ZNF407: variants seen among roughly 807,000 people sequenced by gnomAD.
ZNF407 encodes zinc finger protein 407.
Under a neutral mutation model 131.2 loss-of-function variants are expected in ZNF407, and 17 were observed. That is an observed-to-expected ratio of 0.13 (90% CI 0.09 to 0.19). The LOEUF (loss-of-function observed/expected upper bound fraction) is 0.19. Ranked by LOEUF, ZNF407 falls within the 10% of genes least tolerant of loss-of-function variation. ZNF407 has a pLI of 1.00. For synonymous variants in ZNF407, 1,156 were observed against 1,062.0 expected, an observed-to-expected ratio of 1.09 and a Z score of -1.72; for missense variants, 2,681 against 2,830.6, an observed-to-expected ratio of 0.95 and a Z score of 1.20.
At chr18:75,011,954 A>G (rs1002689077) in intron 8 of ZNF407, among the ~76,000 whole-genome samples, 1 of 152,246 alleles carries the variant, frequency 6.6e-6, no homozygotes, top group East Asian at 1.9e-4. Flanking sequence ...AGTCATTGAG[A>G]ATAGGAGAAT....
intron 4 of ZNF407, among the ~76,000 whole-genome samples, chr18:74,869,176 C>A (rs1232531013): frequency 6.6e-6 from 1 of 152,080 alleles, no homozygotes; most frequent in African/African-American, 2.4e-5. Context: ...AAGAAATTCC[C>A]TTTATTTGTT....
At chr18:74,953,856 G>T (rs916654552) in intron 8 of ZNF407, among the ~76,000 whole-genome samples, 1 of 152,180 alleles carries the variant, frequency 6.6e-6, no homozygotes, top group East Asian at 1.9e-4. Flanking sequence ...CAGGAATCTG[G>T]TCCATTAGGG....
chr18:74,908,784 T>A (rs73971193), intron 7 of ZNF407, among the ~76,000 whole-genome samples: 3,824 of 152,254 alleles, frequency 0.025, 165 homozygotes, highest in African/African-American at 0.086. Flanking sequence ...CGAGTTTATA[T>A]ATTGGAGCAC....
At chr18:74,849,091 T>C (rs1476413540) in intron 4 of ZNF407, among the ~76,000 whole-genome samples, 5 of 148,902 alleles carry the variant, frequency 3.4e-5, no homozygotes, top group Non-Finnish European at 7.4e-5. Flanking sequence ...GTTGCTGTTG[T>C]TGTTGAGACG....
At chr18:74,644,246 A>G (rs559344545) in intron 3 of ZNF407, among the ~76,000 whole-genome samples, 240 of 144,842 alleles carry the variant, frequency 1.7e-3, no homozygotes, top group Non-Finnish European at 1.6e-3. Context: ...TGATCGAGAG[A>G]GGAATTTTAT....
At chr18:74,802,895 A>G (rs890399375) in intron 4 of ZNF407, among the ~76,000 whole-genome samples, 1 of 152,136 alleles carries the variant, frequency 6.6e-6, no homozygotes, top group Non-Finnish European at 1.5e-5. Context: ...CAATCAACCA[A>G]CCAATAGTAG....
chr18:74,681,912 G>A (rs539900088), intron 3 of ZNF407, among the ~76,000 whole-genome samples: 2 of 152,206 alleles, frequency 1.3e-5, no homozygotes, highest in South Asian at 2.1e-4. Flanking sequence ...ATTCAAAAGG[G>A]AGTATGTTGA....
chr18:74,854,426 G>C (rs566341802), intron 4 of ZNF407, among the ~76,000 whole-genome samples: 1 of 152,130 alleles, frequency 6.6e-6, no homozygotes, highest in African/African-American at 2.4e-5. Context: ...TACTTTTGCT[G>C]TAACAAGTAG....
rs768405445 is a variant in ZNF407 at position 74,633,753 on chromosome 18, A to T, written c.2734A>T (p.Ser912Cys). The change falls in exon 2 of 9, where the codon AGT becomes TGT. Residue 912 changes from serine to cysteine, a missense_variant. Around this residue, in one of 6 missense-constraint regions of ZNF407, gnomAD observed 1,789 missense variants for 1,748.7 expected, o/e 1.02. Transcript: ENST00000299687. ...TAAAGGACGGGTAGAAATAGAAGCAAGTGGAAAACACAGTTCAGATATCAT... is the reference window on the plus strand; with the variant it reads ...TAAAGGACGGGTAGAAATAGAAGCATGTGGAAAACACAGTTCAGATATCAT... Reference protein sequence around the residue: ...KHKGRVEIEASGKHSSDIIVG... With the variant: ...KHKGRVEIEACGKHSSDIIVG... The T allele has an allele frequency of 6.2e-7, 1 of 1,614,006 alleles. No homozygotes were observed.
At chr18:74,664,320 T>G (rs548579250) in intron 3 of ZNF407, among the ~76,000 whole-genome samples, 14 of 152,086 alleles carry the variant, frequency 9.2e-5, no homozygotes, top group Non-Finnish European at 1.8e-4. Context: ...GCCAACATGG[T>G]GAAACCCCAT....
At chr18:74,884,071 T>C (rs1971275072) in intron 6 of ZNF407, among the ~76,000 whole-genome samples, 1 of 152,218 alleles carries the variant, frequency 6.6e-6, no homozygotes. Context: ...AGCAGCACTT[T>C]TGCCAATATG....
chr18:75,037,126 T>C (rs1973318223), intron 8 of ZNF407, among the ~76,000 whole-genome samples: 1 of 152,224 alleles, frequency 6.6e-6, no homozygotes, highest in South Asian at 2.1e-4. Context: ...AGTTTAAAGA[T>C]GTAGATTAGA....
At chr18:74,931,359 AGCAAG>A (rs1165988818) in intron 8 of ZNF407, among the ~76,000 whole-genome samples, 2 of 152,232 alleles carry the variant, frequency 1.3e-5, no homozygotes, top group African/African-American at 4.8e-5. Flanking sequence ...ACTCAACAAG[AGCAAG>A]GCAAATAACC....
intron 4 of ZNF407, among the ~76,000 whole-genome samples, chr18:74,818,295 T>G (rs577034877): frequency 1.3e-5 from 2 of 152,320 alleles, no homozygotes; most frequent in African/African-American, 4.8e-5. Context: ...TGCTTGTCCA[T>G]GGGTCAAGTT....
intron 1 of ZNF407, among the ~76,000 whole-genome samples, chr18:74,600,908 A>G (rs529251992): frequency 3.3e-5 from 5 of 152,324 alleles, no homozygotes; most frequent in South Asian, 2.1e-4. Context: ...TTTGATTGCA[A>G]CTACGGAGAC....
intron 4 of ZNF407, among the ~76,000 whole-genome samples, chr18:74,854,501 T>G (rs999010975): frequency 1.3e-5 from 2 of 152,198 alleles, no homozygotes; most frequent in Admixed American, 1.3e-4. Flanking sequence ...CATTAGCTTA[T>G]GAGGCCCTGT....
chr18:74,985,194 G>C (rs967261734), intron 8 of ZNF407, among the ~76,000 whole-genome samples: 9 of 152,082 alleles, frequency 5.9e-5, no homozygotes, highest in Non-Finnish European at 8.8e-5. Context: ...CTGTTAAACA[G>C]TTTCAGCTTT....
rs755888468 is a variant in ZNF407, at chr18:74,631,554, A to G, written c.535A>G (p.Ile179Val). Reference protein sequence around the residue: ...PPKEISVSCTIGNVDTVLKCS... With the variant: ...PPKEISVSCTVGNVDTVLKCS... ...GAAAGAAATTAGTGTTAGTTGTACC[A>G]TTGGGAATGTAGATACAGTTCTCAA... is the stretch of plus-strand genomic sequence containing the variant. The change falls in exon 2 of 9, where the codon ATT becomes GTT. Residue 179 changes from isoleucine (I) to valine (V), a missense_variant. Ile to Val is a conservative substitution (Grantham distance 29). Coordinates refer to ENST00000299687, the MANE Select transcript of ZNF407 (RefSeq NM_017757.3). 1.2e-6 allele frequency: 2 copies of G among 1,613,784 alleles called. No individual in the cohort carries two copies. The highest frequency in any genetic ancestry group is 1.7e-6 in the Non-Finnish European group (2 of 1,179,904).
chr18:74,987,744 T>G (rs1972670319), intron 8 of ZNF407, among the ~76,000 whole-genome samples: 1 of 152,260 alleles, frequency 6.6e-6, no homozygotes, highest in East Asian at 1.9e-4. Flanking sequence ...GGGATACATT[T>G]TTTAAAATAT....
Sources: allele counts gnomAD v4.1 joint callset (sites outside exome capture counted in the v4.1 genomes callset), GRCh38; gene constraint gnomAD v4.1.1; regional missense constraint gnomAD v4.1.1; transcripts MANE v1.5; gene names NCBI Gene and HGNC (gene_info 2026-07-23, HGNC 2026-07-21).